Variants in TTN observed in about 807,000 individuals in gnomAD.
The protein encoded by TTN is connectin.
A neutral mutation model predicts 3,223.0 loss-of-function variants in TTN; 1,525 were observed. The ratio of observed to expected loss-of-function variants is 0.47; its 90% CI spans 0.45 to 0.49. The LOEUF (loss-of-function observed/expected upper bound fraction) is 0.49. TTN is among the 20% of genes least tolerant of loss of function. The pLI is 0.00. For missense variants in TTN, 40,786 were observed against 43,424.0 expected (o/e 0.94, Z 5.40); for synonymous variants, 14,094 against 15,161.0 (o/e 0.93, Z 5.17).
rs761123018 is a variant in TTN at position 178,785,534 on chromosome 2, T to A, written c.2493+86A>T. 4 of 1,590,378 alleles carry A rather than the reference T, an allele frequency of 2.5e-6. No homozygotes were observed. The African/African-American group carries it at 5.4e-5, about 21-fold the overall frequency. ...CACATCACCAAAAAAGAATCCTCCA[T>A]TGGCCTACCCCAGAGATGCTCTGTT... On this transcript the variant is annotated intron_variant, in intron 15 of 362. Transcript: ENST00000589042.
chr2:178,753,811 C>T (rs2086238222), intron 46 of TTN: 1 of 152,160 alleles, frequency 6.6e-6, no homozygotes, highest in Non-Finnish European at 1.5e-5. Flanking sequence ...ACGTGGTATC[C>T]TGTCAGTAGA....
chr2:178,756,318 A>T lies in TTN; in HGVS notation c.11158T>A (p.Cys3720Ser), dbSNP rs1356555138. 1.2e-6 allele frequency: 2 copies of T among 1,613,924 alleles called. No homozygotes were observed. Among genetic ancestry groups the T allele is most frequent in the South Asian group, 2.2e-5 (2 of 91,086 alleles). Residue 3720 changes from cysteine to serine, a missense_variant, in exon 46 of 363, where the codon TGT becomes AGT. Transcript: ENST00000589042. ...QNGNIQFLTI[C>S]NVQLVDQGLY... Reference sequence around the variant, plus strand: ...CCTTGGTCTACCAGCTGAACATTACATATGGTAAGAAACTGAATATTTCCA... The same window carrying T: ...CCTTGGTCTACCAGCTGAACATTACTTATGGTAAGAAACTGAATATTTCCA...
At chr2:178,742,995 TA>T (rs2082766757) in intron 47 of TTN, 1 of 152,060 alleles carries the variant, frequency 6.6e-6, no homozygotes, top group Non-Finnish European at 1.5e-5. Flanking sequence ...AAGTAAACCA[TA>T]AAACCATTGA....
At position 178,608,429 on chromosome 2, in the gene TTN, T is replaced by C. The variant is rs965152631; in HGVS notation, c.52454A>G (p.Asn17485Ser). 6.2e-7 allele frequency: 1 copy of C among 1,608,760 alleles called. No homozygotes were observed. Among genetic ancestry groups the C allele is most frequent in the Non-Finnish European group, 8.5e-7 (1 of 1,177,276 alleles). ...DKPIVEDVTS[N>S]SMLVKWNEPK... ...TTCATTCCATTTCACTAGCATACTGTTGCTGGTAACATCTTCCACAATGGG... is the reference window on the plus strand; with the variant it reads ...TTCATTCCATTTCACTAGCATACTGCTGCTGGTAACATCTTCCACAATGGG... Residue 17485 changes from asparagine to serine, a missense_variant, in exon 275 of 363, where the codon AAC becomes AGC. Transcript: ENST00000589042.
At position 178,574,313 on chromosome 2, in the gene TTN, G is replaced by C; in HGVS notation, c.71819C>G (p.Thr23940Arg). Reference sequence around the variant, plus strand: ...AGGCTTAGCCCATTTAAGTGTTACTGTGTGTCTTGTAATATTTAGAGGTAC... The same window carrying C: ...AGGCTTAGCCCATTTAAGTGTTACTCTGTGTCTTGTAATATTTAGAGGTAC... ...KPVPLNITRHTVTLKWAKPEY... is the reference protein window; with the variant it reads ...KPVPLNITRHRVTLKWAKPEY... The change falls in exon 326 of 363, where the codon ACA (threonine) becomes AGA (arginine). Residue 23940 changes from threonine to arginine, a missense_variant. Coordinates refer to ENST00000589042, the MANE Select transcript of TTN (RefSeq NM_001267550.2). 2 of 1,613,550 alleles carry C rather than the reference G, an allele frequency of 1.2e-6. No individual in the cohort carries two copies. Among genetic ancestry groups the C allele is most frequent in the South Asian group, 1.1e-5 (1 of 91,064 alleles).
chr2:178,536,339 C>T lies in TTN; in HGVS notation c.100408G>A (p.Glu33470Lys). The change falls in exon 357 of 363, where the codon GAA becomes AAA. Residue 33470 changes from glutamate to lysine, a missense_variant. Physicochemically the swap from Glu to Lys is moderately conservative, Grantham distance 56. Transcript: ENST00000589042. Reference protein sequence around the residue: ...GLEYEFRVKCENLGGESEWSE... With the variant: ...GLEYEFRVKCKNLGGESEWSE... ...CATTCACTTTCCCCACCTAGATTTTCACATTTCACACGAAACTCGTATTCA... is the reference window on the plus strand; with the variant it reads ...CATTCACTTTCCCCACCTAGATTTTTACATTTCACACGAAACTCGTATTCA... 2 of 1,613,760 alleles carry T rather than the reference C, an allele frequency of 1.2e-6. No homozygotes were observed. The highest frequency in any genetic ancestry group is 1.7e-6 in the Non-Finnish European group (2 of 1,179,762).
chr2:178,558,845 A>C, intron 326 of TTN: 1 of 539,782 alleles, frequency 1.9e-6, no homozygotes, highest in Non-Finnish European at 3.2e-6. Context: ...ATTCAAATCC[A>C]AATTAAGGGT....
In TTN at chr2:178,776,935, G is replaced by A. The variant is rs760448167; in HGVS notation, c.4929C>T (p.Cys1643=). 2.1e-5 allele frequency: 34 copies of A among 1,613,300 alleles called. No individual in the cohort carries two copies. Among genetic ancestry groups the A allele is most frequent in the Non-Finnish European group, 2.8e-5 (33 of 1,179,780 alleles). The part of the protein sequence containing the change: ...INKAGRDTTR[C]KVNVEVEFAE... ...CAAACTCAACTTCAACATTTACTTT[G>A]CATCTTGTAGTGTCTCTGCCAGCTT... The change falls in exon 28 of 363, where the codon TGC becomes TGT. Residue 1643 remains cysteine (C), a synonymous_variant. Transcript: ENST00000589042.
chr2:178,770,135 T>C lies in TTN; in HGVS notation c.8566A>G (p.Ile2856Val), dbSNP rs1387078141. Residue 2856 changes from isoleucine to valine, a missense_variant, in exon 36 of 363, where the codon ATC becomes GTC. By Grantham distance (29) the Ile-to-Val change is conservative (BLOSUM62 3). Transcript: ENST00000589042. ...RKVHKLMLQN[I>V]SPSDAGEYTA... ...TATTCCCCAGCATCTGAGGGGGAGA[T>C]GTTCTGCAGCATCAGCTTGTGGACT... 4 of 1,614,006 alleles carry C rather than the reference T, an allele frequency of 2.5e-6. No homozygotes were observed. The highest frequency in any genetic ancestry group is 3.4e-6 in the Non-Finnish European group (4 of 1,180,020).
intron 1 of TTN, among the ~76,000 whole-genome samples, chr2:178,805,600 G>A (rs1470666482): frequency 4.6e-5 from 7 of 152,154 alleles, no homozygotes; most frequent in South Asian, 4.2e-4. Context: ...GACGGCATAC[G>A]GTGCTTTCTA....
chr2:178,720,945 AG>A lies in TTN; in HGVS notation c.23073del (p.Cys7692AlafsTer5). On this transcript the variant is annotated frameshift_variant, in exon 79 of 363. Coordinates refer to ENST00000589042, the MANE Select transcript of TTN (RefSeq NM_001267550.2). LOFTEE classifies it high-confidence loss of function. ...CEAHNGVGDA[S>X]CSTALTVKAP... Reference sequence around the variant, plus strand: ...CCTTTCACTGTCAACGCTGTGCTGCAGCTGGCGTCACCAACACCATTATGAG... The same window carrying A: ...CCTTTCACTGTCAACGCTGTGCTGCACTGGCGTCACCAACACCATTATGAG... 1.3e-6 allele frequency: 2 copies of A among 1,598,702 alleles called. No individual in the cohort carries two copies. Among genetic ancestry groups the A allele is most frequent in the Non-Finnish European group, 1.7e-6 (2 of 1,167,846 alleles).
intron 52 of TTN, 58 bp from the exon 53 acceptor site, chr2:178,733,950 T>C (rs778902818): frequency 9.5e-5 from 140 of 1,469,538 alleles, no homozygotes; most frequent in Non-Finnish European, 1.2e-4. Flanking sequence ...TTCAACACCA[T>C]CTATATTTAA....
chr2:178,539,192 T>A lies in TTN; in HGVS notation c.98743A>T (p.Ser32915Cys), dbSNP rs760917372. ...EVLDVTKSSV[S>C]LSWSRPKDDG... is the part of the protein sequence containing the mutation. ...TCTTTGGGCCGGGACCAGGACAAGCTAACAGAACTCTTGGTTACATCGAGT... is the reference window on the plus strand; with the variant it reads ...TCTTTGGGCCGGGACCAGGACAAGCAAACAGAACTCTTGGTTACATCGAGT... The change falls in exon 353 of 363, where the codon AGC (serine) becomes TGC (cysteine). Residue 32915 changes from serine (S) to cysteine (C), a missense_variant. Coordinates refer to ENST00000589042, the MANE Select transcript of TTN (RefSeq NM_001267550.2). 2 of 1,613,818 alleles carry A rather than the reference T, an allele frequency of 1.2e-6. No individual in the cohort carries two copies. The highest frequency in any genetic ancestry group is 1.7e-6 in the Non-Finnish European group (2 of 1,179,762).
chr2:178,701,972 C>A, intron 109 of TTN, 68 bp downstream of exon 109: 3 of 1,489,010 alleles, frequency 2.0e-6, no homozygotes, highest in Non-Finnish European at 2.8e-6. Context: ...TTTAGTTTGG[C>A]TTCTGTGATT....
intron 88 of TTN, among the ~76,000 whole-genome samples, 172 bp downstream of exon 88, chr2:178,716,923 A>T (rs977703394): frequency 2.0e-5 from 3 of 151,700 alleles, no homozygotes; most frequent in Admixed American, 1.3e-4. Flanking sequence ...TTTTTTTTTT[A>T]AAGTAATTAA....
At position 178,528,312 on chromosome 2, in the gene TTN, C is replaced by T. The variant is rs770904787; in HGVS notation, c.107339G>A (p.Arg35780His). ...GKYTIKAKNF[R>H]GQCSATASLM... ...GGAAGCTGTAGCTGAACACTGGCCA[C>T]GGAAATTTTTGGCCTTAATTGTGTA... The change falls in exon 361 of 363, where the codon CGT becomes CAT. Residue 35780 changes from arginine (R) to histidine (H), a missense_variant. Physicochemically the swap from Arg to His is conservative, Grantham distance 29. Transcript: ENST00000589042. 13 of 1,613,852 alleles carry T rather than the reference C, an allele frequency of 8.1e-6. No homozygotes were observed. The highest frequency in any genetic ancestry group is 4.5e-5 in the East Asian group (2 of 44,878).
rs1374040247 is a variant in TTN at position 178,543,483 on chromosome 2, A to G, written c.96490T>C (p.Tyr32164His). Residue 32164 changes from tyrosine to histidine, a missense_variant, in exon 347 of 363, where the codon TAC becomes CAC. Tyr to His is a moderately conservative substitution (Grantham distance 83). Transcript: ENST00000589042. Reference protein sequence around the residue: ...TVTTKCSKTLYRISGLVEGTM... With the variant: ...TVTTKCSKTLHRISGLVEGTM... ...CCTTCTACAAGTCCAGAAATTCTGT[A>G]AAGTGTCTTGCTGCATTTGGTAGTT... 1.2e-6 allele frequency: 2 copies of G among 1,613,798 alleles called. No homozygotes were observed. The highest frequency in any genetic ancestry group is 1.7e-5 in the Admixed American group (1 of 60,012).
rs769946795 is a variant in TTN, at chr2:178,674,408, C to T, written c.34614G>A (p.Val11538=). 4.6e-6 allele frequency: 7 copies of T among 1,514,890 alleles called. No individual in the cohort carries two copies. In the East Asian group the frequency reaches 1.6e-4, roughly 36 times the overall value. 93.8% of individuals were successfully genotyped at this position (1,514,890 alleles called of 1,614,324 possible). ...PKEEEVLPVE[V]TEEPEEEPIS... is the part of the protein sequence containing the mutation. ...TAGGCTCTTCTTCAGGCTCCTCAGT[C>T]ACTTTAAAAAGATTATTATTTTGTA... is the stretch of plus-strand genomic sequence containing the variant. The change falls in exon 151 of 363, where the codon GTG becomes GTA. Residue 11538 remains valine (V), a splice_region_variant and synonymous_variant. Transcript: ENST00000589042.
At chr2:178,667,406 A>T in intron 161 of TTN, 36 bp downstream of exon 161, 1 of 1,582,226 alleles carries the variant, frequency 6.3e-7, no homozygotes, top group Non-Finnish European at 8.6e-7. Flanking sequence ...ATAAAGCTAA[A>T]GATACTCATC....
Sources: allele counts gnomAD v4.1 joint callset (sites outside exome capture counted in the v4.1 genomes callset), GRCh38; gene constraint gnomAD v4.1.1; transcripts MANE v1.5; gene names NCBI Gene and HGNC (gene_info 2026-07-23, HGNC 2026-07-21).